Variants in MAF observed in about 807,000 individuals in gnomAD.
MAF encodes the protein transcription factor Maf.
MAF carries 10 observed loss-of-function variants against 22.0 expected under a neutral mutation model. The ratio of observed to expected loss-of-function variants is 0.45; its 90% CI spans 0.28 to 0.77. MAF has a LOEUF of 0.77. Among genes scored for constraint, MAF ranks in the 30% least tolerant of loss-of-function variants. The pLI, the probability that MAF is intolerant of heterozygous loss-of-function variation, is 0.12. For missense variants in MAF, 544 were observed against 548.4 expected, an observed-to-expected ratio of 0.99 and a Z score of 0.08; for synonymous variants, 337 against 255.8, an observed-to-expected ratio of 1.32 and a Z score of -3.03.
the MAF span, among the ~76,000 whole-genome samples, chr16:79,531,847 T>A: frequency 6.6e-6 from 1 of 151,882 alleles, no homozygotes; most frequent in Non-Finnish European, 1.5e-5. Flanking sequence ...TGGGGACCCC[T>A]GCTTGAAAAG....
chr16:79,312,943 G>A, the MAF span, among the ~76,000 whole-genome samples: 80 of 152,238 alleles, frequency 5.3e-4, no homozygotes, highest in Middle Eastern at 0.01. Flanking sequence ...CGGCATCATC[G>A]GCCCAGTTTA....
the MAF span, among the ~76,000 whole-genome samples, chr16:79,505,409 C>T: frequency 3.9e-5 from 6 of 152,136 alleles, no homozygotes; most frequent in South Asian, 4.2e-4. Flanking sequence ...CCCTCAGTCA[C>T]GGGACAGGGG....
At chr16:79,598,040 T>C in intron 1 of MAF, 2 of 1,036,696 alleles carry the variant, frequency 1.9e-6, no homozygotes, top group Non-Finnish European at 2.3e-6. Flanking sequence ...TATTTTAGCA[T>C]AACAATGCTA....
At chr16:79,511,456 T>G in the MAF span, among the ~76,000 whole-genome samples, 1 of 152,200 alleles carries the variant, frequency 6.6e-6, no homozygotes, top group Non-Finnish European at 1.5e-5. Context: ...AAGGCCAGAC[T>G]GCCCAGGAAA....
rs554251661 is a variant in MAF, at chr16:79,598,314, A to T, written c.1118+471T>A. ...AAACACACACACACACAGAAAATGA[A>T]CACCAGTTCATGAACTGAAGGGGAA... On this transcript the variant is annotated intron_variant, in intron 1 of 1. Coordinates refer to ENST00000326043, the MANE Select transcript of MAF (RefSeq NM_005360.5). The T allele has an allele frequency of 2.4e-3, 2,632 of 1,101,968 alleles. 9 individuals are homozygous for T. Among genetic ancestry groups the T allele is most frequent in the Non-Finnish European group, 2.7e-3 (2,442 of 899,432 alleles). The allele number at this position is 1,101,968 out of a possible 1,614,324, so 68.3% of individuals were successfully genotyped here.
At chr16:79,515,645 G>A in the MAF span, among the ~76,000 whole-genome samples, 1 of 152,270 alleles carries the variant, frequency 6.6e-6, no homozygotes, top group Middle Eastern at 3.4e-3. Flanking sequence ...AAGTTGAGAA[G>A]CGTCTGTATT....
the MAF span, among the ~76,000 whole-genome samples, chr16:79,420,406 C>T: frequency 1.3e-5 from 2 of 152,134 alleles, no homozygotes; most frequent in Admixed American, 6.5e-5. Flanking sequence ...GCCCTTCCCA[C>T]GCCAAAAAAA....
At chr16:79,588,505 G>A (rs374677854) in intron 1 of MAF, among the ~76,000 whole-genome samples, 13 of 151,974 alleles carry the variant, frequency 8.6e-5, no homozygotes, top group Admixed American at 3.3e-4. Flanking sequence ...CGCAATCTGG[G>A]CTTACTGCAA....
the MAF span, among the ~76,000 whole-genome samples, chr16:79,242,074 G>C: frequency 6.6e-6 from 1 of 152,024 alleles, no homozygotes; most frequent in Admixed American, 6.6e-5. Flanking sequence ...ACTGGTACCA[G>C]TCAATGCAAA....
chr16:79,576,126 A>T, the MAF span, among the ~76,000 whole-genome samples: 2 of 151,634 alleles, frequency 1.3e-5, no homozygotes, highest in Non-Finnish European at 2.9e-5. Flanking sequence ...GAATTGTATC[A>T]CTGCTCTTGC....
the MAF span, among the ~76,000 whole-genome samples, chr16:79,479,902 G>A: frequency 1.3e-5 from 2 of 152,156 alleles, no homozygotes; most frequent in African/African-American, 4.8e-5. Context: ...TTTGAACCAG[G>A]CCTTTACAGC....
the MAF span, among the ~76,000 whole-genome samples, chr16:79,454,152 C>G: frequency 1.3e-5 from 2 of 152,088 alleles, no homozygotes; most frequent in Non-Finnish European, 2.9e-5. Flanking sequence ...CATTAAGATT[C>G]TAAGAGATTA....
At chr16:79,463,534 A>G in the MAF span, among the ~76,000 whole-genome samples, 2 of 152,190 alleles carry the variant, frequency 1.3e-5, no homozygotes, top group Admixed American at 1.3e-4. Context: ...AAACAGATGC[A>G]CTAGTCCTGA....
chr16:79,504,721 G>C, the MAF span, among the ~76,000 whole-genome samples: 1 of 152,276 alleles, frequency 6.6e-6, no homozygotes, highest in South Asian at 2.1e-4. Flanking sequence ...ATGATGGATG[G>C]ATATAAAATG....
rs759100360 is a variant in MAF, at chr16:79,599,140, G to T, written c.763C>A (p.Leu255Met). The part of the protein sequence containing the change: ...ALHPHHAAGG[L>M]HFDDRFSDEQ... ...TCGGAGAAGCGGTCGTCGAAGTGCA[G>T]GCCGCCGGCGGCGTGGTGCGGGTGC... Residue 255 changes from leucine (L) to methionine (M), a missense_variant, in exon 1 of 2, where the codon CTG becomes ATG. Leu to Met is a conservative substitution (Grantham distance 15, BLOSUM62 2). Coordinates refer to ENST00000326043, the MANE Select transcript of MAF (RefSeq NM_005360.5). 6.4e-7 allele frequency: 1 copy of T among 1,566,158 alleles called. No individual in the cohort carries two copies. Among genetic ancestry groups the T allele is most frequent in the Non-Finnish European group, 8.6e-7 (1 of 1,162,728 alleles).
the MAF span, among the ~76,000 whole-genome samples, chr16:79,416,369 T>C: frequency 5.3e-5 from 8 of 152,178 alleles, no homozygotes; most frequent in African/African-American, 1.9e-4. Flanking sequence ...AACACAGTGA[T>C]ATGTTCCCAG....
chr16:79,412,963 G>C, the MAF span, among the ~76,000 whole-genome samples: 1 of 152,212 alleles, frequency 6.6e-6, no homozygotes, highest in Non-Finnish European at 1.5e-5. Context: ...ATCTGTGAGA[G>C]TTAAAGCAGG....
chr16:79,287,795 T>G, the MAF span, among the ~76,000 whole-genome samples: 2 of 152,180 alleles, frequency 1.3e-5, no homozygotes, highest in Non-Finnish European at 2.9e-5. Context: ...TCACTCATTC[T>G]TTCATTCACT....
the MAF span, among the ~76,000 whole-genome samples, chr16:79,481,128 C>T: frequency 6.6e-6 from 1 of 152,152 alleles, no homozygotes; most frequent in Admixed American, 6.5e-5. Context: ...GGCTGACAGC[C>T]CATGTGTTGC....
Sources: gnomAD v4.1 joint callset for allele counts (sites outside exome capture counted in the v4.1 genomes callset) on GRCh38, gnomAD v4.1.1 for gene constraint, MANE v1.5 for transcripts, NCBI Gene and HGNC (gene_info 2026-07-23, HGNC 2026-07-21) for gene names.